CDYL2: variants seen among roughly 807,000 people sequenced by gnomAD.
CDYL2 encodes the protein chromodomain Y-like protein 2.
In CDYL2, 23 loss-of-function variants were observed where a neutral mutation model predicts 49.4. The ratio of observed to expected loss-of-function variants is 0.47; its 90% confidence interval spans 0.34 to 0.66. CDYL2 has a LOEUF of 0.66. Ranked by LOEUF, CDYL2 falls within the 30% of genes least tolerant of loss-of-function variation. The pLI, the probability that CDYL2 is intolerant of heterozygous loss-of-function variation, is 0.01. For synonymous variants in CDYL2, 360 were observed against 268.8 expected (o/e 1.34, Z -3.32); for missense variants, 678 against 656.4 (o/e 1.03, Z -0.36).
intron 1 of CDYL2, among the ~76,000 whole-genome samples, chr16:80,716,898 G>GATGA (rs1201065250): frequency 6.6e-6 from 1 of 151,898 alleles, no homozygotes; most frequent in Non-Finnish European, 1.5e-5. Context: ...TGGATGGATG[G>GATGA]ATGGATGATT....
intron 1 of CDYL2, among the ~76,000 whole-genome samples, chr16:80,758,153 T>A (rs904413711): frequency 2.0e-5 from 3 of 152,188 alleles, no homozygotes; most frequent in Admixed American, 6.5e-5. Context: ...AGATTTCATA[T>A]AAATGGGAAG....
chr16:80,686,684 G>C (rs968128128), intron 1 of CDYL2, among the ~76,000 whole-genome samples: 1 of 152,070 alleles, frequency 6.6e-6, no homozygotes, highest in African/African-American at 2.4e-5. Flanking sequence ...TTGAAAAGTG[G>C]GATTGTCTCA....
At chr16:80,713,657 C>T (rs998502045) in intron 1 of CDYL2, among the ~76,000 whole-genome samples, 5 of 152,114 alleles carry the variant, frequency 3.3e-5, no homozygotes, top group Admixed American at 6.5e-5. Flanking sequence ...GACCTTGCTC[C>T]GCTTCCCATC....
intron 1 of CDYL2, among the ~76,000 whole-genome samples, chr16:80,750,263 T>C (rs954579898): frequency 3.3e-5 from 5 of 149,810 alleles, no homozygotes; most frequent in Admixed American, 3.3e-4. Context: ...AGAAGAAAAA[T>C]ATGTAAAGCA....
Position 80,641,916 on chromosome 16 carries a change from A to G in CDYL2, c.617-8680T>C, listed in dbSNP as rs556307451. Among the ~76,000 whole-genome samples the G allele has an allele frequency of 1.8e-4, 27 of 152,262 alleles. No homozygotes were observed. The East Asian group carries it at 4.8e-3, about 27-fold the overall frequency. ...GTATAATAATAAAAAAATAAAAAAAAAAAGAAAGAAATCATCTGAAGGCAT... is the reference window on the plus strand; with the variant it reads ...GTATAATAATAAAAAAATAAAAAAAGAAAGAAAGAAATCATCTGAAGGCAT... On this transcript the variant is annotated intron_variant, in intron 2 of 6. Transcript: ENST00000570137.
rs1597122461 is a variant in CDYL2, at chr16:80,612,260, G to A, written c.1218+366C>T. The stretch of plus-strand genomic sequence containing the variant: ...GGAGACACCTGGGTCCCCAGAGAGT[G>A]TGGGTGGCCCCTACACCTATGCTGG... On this transcript the variant is annotated intron_variant, in intron 5 of 6. Transcript: ENST00000570137. This position sits in a 1 kb window ranked among gnomAD's most constrained non-coding sequence, Gnocchi z 5.0. Among the ~76,000 whole-genome samples, 1 of 152,208 alleles carries A rather than the reference G, an allele frequency of 6.6e-6. No individual in the cohort carries two copies. Among genetic ancestry groups the A allele is most frequent in the Non-Finnish European group, 1.5e-5 (1 of 68,032 alleles).
At chr16:80,655,067 A>G (rs1036700085) in intron 2 of CDYL2, among the ~76,000 whole-genome samples, 5 of 152,320 alleles carry the variant, frequency 3.3e-5, no homozygotes, top group South Asian at 2.1e-4. Flanking sequence ...TGGTGGGCGC[A>G]GGGTGTCACC....
chr16:80,607,959 A>C, intron 6 of CDYL2, 133 bp downstream of exon 6: 1 of 1,052,920 alleles, frequency 9.5e-7, no homozygotes, highest in Non-Finnish European at 1.3e-6. Context: ...GGCATTTGTT[A>C]AATTGCAAAG....
At chr16:80,752,258 T>A (rs1906163248) in intron 1 of CDYL2, among the ~76,000 whole-genome samples, 1 of 151,868 alleles carries the variant, frequency 6.6e-6, no homozygotes, top group African/African-American at 2.4e-5. Flanking sequence ...AAACCGCAGA[T>A]AAATATGAAA....
At chr16:80,750,993 C>A (rs1430026931) in intron 1 of CDYL2, among the ~76,000 whole-genome samples, 1 of 151,332 alleles carries the variant, frequency 6.6e-6, no homozygotes, top group Non-Finnish European at 1.5e-5. Flanking sequence ...GCACTCCAGC[C>A]TGGGCGACAG....
At chr16:80,645,995 G>A (rs1406209601) in intron 2 of CDYL2, among the ~76,000 whole-genome samples, 1 of 110,756 alleles carries the variant, frequency 9.0e-6, no homozygotes, top group Non-Finnish European at 1.8e-5. Flanking sequence ...TGGGGTGGGG[G>A]GAGGGGGGAG....
intron 1 of CDYL2, chr16:80,742,036 T>C (rs1905754936): frequency 1.3e-5 from 2 of 152,206 alleles, no homozygotes; most frequent in Admixed American, 6.5e-5. Context: ...TTCAAATGGA[T>C]TGTGTATTTT....
chr16:80,667,363 T>A (rs1354479452), intron 2 of CDYL2, among the ~76,000 whole-genome samples: 1 of 152,230 alleles, frequency 6.6e-6, no homozygotes, highest in African/African-American at 2.4e-5. Context: ...ACCCAGAGGC[T>A]GTCCCTCAGC....
chr16:80,626,539 A>AAAAAT (rs1907312209), intron 3 of CDYL2, among the ~76,000 whole-genome samples: 1 of 152,190 alleles, frequency 6.6e-6, no homozygotes. Flanking sequence ...ATAACTTCTT[A>AAAAAT]AAAATACATG....
In CDYL2 at chr16:80,751,363, A is replaced by G. The variant is rs141118659; in HGVS notation, c.24+52787T>C. ...ACTTCATGGAGGTAACCTGACACTT[A>G]GCATTCTGGTCTTCTCCCTTGGGTT... On this transcript the variant is annotated intron_variant, in intron 1 of 6. Transcript: ENST00000570137. 2.8e-3 allele frequency among the ~76,000 whole-genome samples: 423 copies of G among 152,338 alleles called. 1 individual carries two copies. The highest frequency in any genetic ancestry group is 9.7e-3 in the African/African-American group (405 of 41,588).
At chr16:80,794,207 T>C (rs970381701) in intron 1 of CDYL2, among the ~76,000 whole-genome samples, 2 of 152,246 alleles carry the variant, frequency 1.3e-5, no homozygotes, top group Non-Finnish European at 2.9e-5. Context: ...AATATAATGA[T>C]ACAAAGTGTT....
At chr16:80,658,224 A>T (rs1908893734) in intron 2 of CDYL2, among the ~76,000 whole-genome samples, 1 of 152,114 alleles carries the variant, frequency 6.6e-6, no homozygotes. Context: ...TTCTTTGAGG[A>T]TATCTTTTTG....
chr16:80,616,927 A>G (rs1189128529), intron 4 of CDYL2, among the ~76,000 whole-genome samples: 2 of 152,176 alleles, frequency 1.3e-5, no homozygotes, highest in Admixed American at 1.3e-4. Flanking sequence ...TCCATGACAT[A>G]CCCAAAGCTC....
At chr16:80,678,643 A>T (rs2142464671) in intron 2 of CDYL2, among the ~76,000 whole-genome samples, 1 of 149,278 alleles carries the variant, frequency 6.7e-6, no homozygotes, top group South Asian at 2.2e-4. Flanking sequence ...GAGAAATAGG[A>T]ACACTTTTAC....
Sources: gnomAD v4.1 joint callset for allele counts (sites outside exome capture counted in the v4.1 genomes callset) on GRCh38, gnomAD v4.1.1 for gene constraint, Gnocchi (gnomAD v3.1) non-coding constraint, MANE v1.5 for transcripts, NCBI Gene and HGNC (gene_info 2026-07-23, HGNC 2026-07-21) for gene names.